The following GABRP variants were observed in gnomAD, a reference collection of about 807,000 sequenced individuals.
GABRP encodes gamma-aminobutyric acid type A receptor subunit pi, also known as gamma-aminobutyric acid receptor subunit pi.
Under a neutral mutation model 47.8 loss-of-function variants are expected in GABRP, and 52 were observed. The ratio of observed to expected loss-of-function variants is 1.09; its 90% CI spans 0.87 to 1.37. The LOEUF (loss-of-function observed/expected upper bound fraction) is 1.37, where lower values mean the gene tolerates loss of function less well. Ranked by LOEUF, GABRP falls within the 40% of genes most tolerant of loss-of-function variation. The probability of loss-of-function intolerance (pLI) is 0.00; values close to 1 mark genes in which losing one functional copy is unlikely to be tolerated. For missense variants in GABRP, 525 were observed against 542.8 expected (o/e 0.97, Z 0.33); for synonymous variants, 221 against 205.8 (o/e 1.07, Z -0.63).
intron 7 of GABRP, among the ~76,000 whole-genome samples, chr5:170,806,153 C>T (rs1765729637): frequency 6.6e-6 from 1 of 152,192 alleles, no homozygotes. Context: ...CTCACTGGAA[C>T]ACTAGTTCTC....
intron 6 of GABRP, among the ~76,000 whole-genome samples, chr5:170,800,681 C>T (rs916724371): frequency 2.0e-5 from 3 of 152,186 alleles, no homozygotes; most frequent in African/African-American, 7.2e-5. Flanking sequence ...CACAGTGGCT[C>T]ACGCCTATAA....
In GABRP at chr5:170,812,577, A is replaced by G; in HGVS notation, c.*319A>G. On this transcript the variant is annotated 3_prime_UTR_variant, in exon 10 of 10. Coordinates refer to ENST00000265294, the MANE Select transcript of GABRP (RefSeq NM_014211.3). ...GCTCCCTGGTTTGCATTTACCTCAT[A>G]TAAAGAATGGGAAGGAGACCATTGG... 4.0e-6 allele frequency: 1 copy of G among 250,614 alleles called. No homozygotes were observed. Among genetic ancestry groups the G allele is most frequent in the Non-Finnish European group, 7.7e-6 (1 of 129,122 alleles). 15.5% of individuals were successfully genotyped at this position (250,614 alleles called of 1,614,324 possible). A position where few individuals can be genotyped will look rare whatever the true frequency, so the allele number is the denominator to read the frequency against.
At chr5:170,802,780 T>A (rs911546425) in intron 6 of GABRP, among the ~76,000 whole-genome samples, 2 of 141,668 alleles carry the variant, frequency 1.4e-5, no homozygotes, top group African/African-American at 5.2e-5. Flanking sequence ...CTGTTTCACA[T>A]ATACCATCCC....
At chr5:170,805,694 A>G (rs1765714339) in intron 6 of GABRP, 22 bp from the exon 7 acceptor site, 1 of 1,613,720 alleles carries the variant, frequency 6.2e-7, no homozygotes, top group South Asian at 1.1e-5. Context: ...TGCACTGACC[A>G]GGGCTCCATT....
rs1175256941 is a variant in GABRP at position 170,797,585 on chromosome 5, C to T, written c.541+37C>T. The T allele has an allele frequency of 5.4e-6, 7 of 1,295,906 alleles. No individual in the cohort carries two copies. The East Asian group carries it at 1.6e-4, about 30-fold the overall frequency. The allele number at this position is 1,295,906 out of a possible 1,614,324, so 80.3% of individuals were successfully genotyped here. On this transcript the variant is annotated intron_variant, in intron 6 of 9. Coordinates refer to ENST00000265294, the MANE Select transcript of GABRP (RefSeq NM_014211.3). ...TCCTACAGGCTCCTGAGATGATTTT[C>T]CTGGGTGACTTAGGTGTGTGTATTC...
chr5:170,790,388 C>T (rs1344874889), intron 3 of GABRP, among the ~76,000 whole-genome samples: 5 of 152,038 alleles, frequency 3.3e-5, no homozygotes, highest in Non-Finnish European at 7.4e-5. Context: ...ACAGTGCCTG[C>T]CCCATCAACA....
At chr5:170,791,884 G>C (rs971172851) in intron 3 of GABRP, among the ~76,000 whole-genome samples, 5 of 152,204 alleles carry the variant, frequency 3.3e-5, no homozygotes, top group African/African-American at 1.2e-4. Flanking sequence ...AGAGGCTGAG[G>C]AGTCCAATAT....
chr5:170,786,331 T>A (rs534441259), intron 1 of GABRP, among the ~76,000 whole-genome samples: 1 of 152,304 alleles, frequency 6.6e-6, no homozygotes, highest in Admixed American at 6.5e-5. Context: ...GTATTTTCAA[T>A]GAGTGAGAAC....
intron 4 of GABRP, 77 bp downstream of exon 4, chr5:170,794,375 CAAAAAAA>C (rs34296291): frequency 2.6e-3 from 664 of 259,328 alleles, no homozygotes; most frequent in South Asian, 7.3e-3. Context: ...TCTAGCCGCT[CAAAAAAA>C]AAAAAAAAAA....
chr5:170,812,108 C>CTT lies in GABRP; in HGVS notation c.1173_1174insTT (p.Lys392LeufsTer34). On this transcript the variant is annotated frameshift_variant, in exon 10 of 10. Coordinates refer to ENST00000265294, the MANE Select transcript of GABRP (RefSeq NM_014211.3). LOFTEE classifies it high-confidence loss of function. ...TGACAATGAAAACCAGCGACAAGTT[C>CTT]AAGTTTGTCTTCCGAGAAAAGATGG... 1 of 1,613,936 alleles carries CTT rather than the reference C, an allele frequency of 6.2e-7. No homozygotes were observed. The highest frequency in any genetic ancestry group is 8.5e-7 in the Non-Finnish European group (1 of 1,179,976).
intron 6 of GABRP, among the ~76,000 whole-genome samples, chr5:170,800,287 A>G (rs1765555974): frequency 6.6e-6 from 1 of 152,230 alleles, no homozygotes; most frequent in South Asian, 2.1e-4. Flanking sequence ...CTGGCTAGCC[A>G]TATGTAGAAA....
At chr5:170,790,645 G>A (rs941946111) in intron 3 of GABRP, among the ~76,000 whole-genome samples, 1 of 152,118 alleles carries the variant, frequency 6.6e-6, no homozygotes, top group Non-Finnish European at 1.5e-5. Flanking sequence ...GGGAAGGAAG[G>A]GAGGTTGGGT....
rs939071930 is a variant in GABRP, at chr5:170,808,615, T to C, written c.695T>C (p.Leu232Ser). ...SQQETGNYTR[L>S]VLQFELRRNV... ...ACCCTTTCAGGAAATTACACTAGAT[T>C]GGTCTTACAGTTTGAGCTTCGGAGG... Residue 232 changes from leucine to serine, a missense_variant, in exon 8 of 10, where the codon TTG (leucine) becomes TCG (serine). By Grantham distance (145) the Leu-to-Ser change is moderately radical. Coordinates refer to ENST00000265294, the MANE Select transcript of GABRP (RefSeq NM_014211.3). The C allele has an allele frequency of 1.2e-6, 2 of 1,613,844 alleles. No homozygotes were observed. The highest frequency in any genetic ancestry group is 2.7e-5 in the African/African-American group (2 of 74,926).
In GABRP at chr5:170,808,615, T is replaced by A. The variant is rs939071930; in HGVS notation, c.695T>A (p.Leu232Ter). 1 of 1,613,962 alleles carries A rather than the reference T, an allele frequency of 6.2e-7. No homozygotes were observed. The highest frequency in any genetic ancestry group is 1.3e-5 in the African/African-American group (1 of 75,048). ...ACCCTTTCAGGAAATTACACTAGAT[T>A]GGTCTTACAGTTTGAGCTTCGGAGG... Reference protein sequence around the residue: ...SQQETGNYTRLVLQFELRRNV... With the variant: ...SQQETGNYTR Residue 232 changes from leucine to a stop codon, truncating the protein, a stop_gained, in exon 8 of 10, where the codon TTG becomes TAG. Coordinates refer to ENST00000265294, the MANE Select transcript of GABRP (RefSeq NM_014211.3). LOFTEE classifies it high-confidence loss of function.
chr5:170,788,506 G>A (rs1765182027), intron 1 of GABRP, 68 bp from the exon 2 acceptor site: 1 of 1,040,192 alleles, frequency 9.6e-7, no homozygotes, highest in South Asian at 1.3e-5. Context: ...CCACCAGAGA[G>A]AGAGGCTGGC....
intron 6 of GABRP, 40 bp downstream of exon 6, chr5:170,797,588 G>C (rs1765464982): frequency 8.1e-7 from 1 of 1,234,728 alleles, no homozygotes. Flanking sequence ...TGATTTTCCT[G>C]GGTGACTTAG....
intron 1 of GABRP, among the ~76,000 whole-genome samples, chr5:170,784,646 T>C (rs954453764): frequency 6.6e-6 from 1 of 152,130 alleles, no homozygotes; most frequent in Non-Finnish European, 1.5e-5. Flanking sequence ...GAGCTTGAGA[T>C]TTGGGTTCTA....
At chr5:170,792,442 C>A (rs370688721) in intron 3 of GABRP, among the ~76,000 whole-genome samples, 29 of 137,204 alleles carry the variant, frequency 2.1e-4, no homozygotes, top group South Asian at 4.5e-4. Context: ...GACTCCATCT[C>A]AAAAAAAAAA....
At chr5:170,804,182 A>G (rs1368124807) in intron 6 of GABRP, among the ~76,000 whole-genome samples, 3 of 14,322 alleles carry the variant, frequency 2.1e-4, no homozygotes, top group Admixed American at 2.5e-3. Flanking sequence ...ATTTCTTTGT[A>G]TGCATATATA....
Sources: gnomAD v4.1 joint callset for allele counts (sites outside exome capture counted in the v4.1 genomes callset) on GRCh38, gnomAD v4.1.1 for gene constraint, MANE v1.5 for transcripts, NCBI Gene and HGNC (gene_info 2026-07-23, HGNC 2026-07-21) for gene names.